The following RAB3GAP2 variants were observed in gnomAD, a reference collection of about 807,000 sequenced individuals.
The protein encoded by RAB3GAP2 is RAB3 GTPase activating non-catalytic protein subunit 2.
Under a neutral mutation model 185.3 loss-of-function variants are expected in RAB3GAP2, and 87 were observed. The observed-to-expected ratio is 0.47, with a 90% confidence interval of 0.39 to 0.56. The LOEUF (loss-of-function observed/expected upper bound fraction) is 0.56, where lower values mean the gene tolerates loss of function less well. Ranked by LOEUF, RAB3GAP2 falls within the 20% of genes least tolerant of loss-of-function variation. The pLI, the probability that RAB3GAP2 is intolerant of heterozygous loss-of-function variation, is 0.00. For missense variants in RAB3GAP2, 1,492 were observed against 1,638.2 expected (o/e 0.91, Z 1.54); for synonymous variants, 554 against 576.1 (o/e 0.96, Z 0.55).
intron 2 of RAB3GAP2, among the ~76,000 whole-genome samples, chr1:220,230,512 T>C (rs1474126614): frequency 6.6e-6 from 1 of 152,160 alleles, no homozygotes; most frequent in Non-Finnish European, 1.5e-5. Context: ...CTCCTAGAGG[T>C]CTTCTGAAAT....
intron 12 of RAB3GAP2, 132 bp from the exon 13 acceptor site, chr1:220,193,511 AAT>A: frequency 1.2e-6 from 1 of 866,972 alleles, no homozygotes; most frequent in South Asian, 1.7e-5. Flanking sequence ...TACCTGGATT[AAT>A]AGTTAATTTA....
chr1:220,197,443 C>T (rs1444362140), intron 9 of RAB3GAP2, among the ~76,000 whole-genome samples: 1 of 152,192 alleles, frequency 6.6e-6, no homozygotes, highest in Non-Finnish European at 1.5e-5. Flanking sequence ...GCAAGCCATT[C>T]ACTGGCTTTA....
chr1:220,168,940 T>C (rs892849205), intron 24 of RAB3GAP2, among the ~76,000 whole-genome samples: 2 of 152,192 alleles, frequency 1.3e-5, no homozygotes, highest in African/African-American at 4.8e-5. Context: ...TAAAAACCTT[T>C]CCACAAAAAG....
Position 220,212,866 on chromosome 1 carries a change from CA to C in RAB3GAP2, c.386+20del. 1 of 1,591,454 alleles carries C rather than the reference CA, an allele frequency of 6.3e-7. No individual in the cohort carries two copies. The highest frequency in any genetic ancestry group is 8.6e-7 in the Non-Finnish European group (1 of 1,159,598). On this transcript the variant is annotated intron_variant, in intron 4 of 34. Transcript: ENST00000358951. ...TACATACATGTAACACACAGAGAAACAAAAATTAACTGGCACCTACCCTTCT... is the reference window on the plus strand; with the variant it reads ...TACATACATGTAACACACAGAGAAACAAAATTAACTGGCACCTACCCTTCT...
chr1:220,264,351 T>C (rs1294044071), intron 1 of RAB3GAP2, among the ~76,000 whole-genome samples: 1 of 152,024 alleles, frequency 6.6e-6, no homozygotes, highest in Non-Finnish European at 1.5e-5. Flanking sequence ...GGAAAACTAA[T>C]AATAAAACGA....
chr1:220,254,952 C>CTT lies in RAB3GAP2; in HGVS notation c.115+17269_115+17270dup, dbSNP rs59174009. Among the ~76,000 whole-genome samples the CTT allele has an allele frequency of 6.1e-3, 806 of 131,502 alleles. 10 individuals are homozygous for CTT. The highest frequency in any genetic ancestry group is 0.02 in the African/African-American group (743 of 36,678). The allele number at this position is 131,502 out of a possible 152,430, so 86.3% of individuals were successfully genotyped here. On this transcript the variant is annotated intron_variant, in intron 1 of 34. Coordinates refer to ENST00000358951, the MANE Select transcript of RAB3GAP2 (RefSeq NM_012414.4). ...AACTGAACACACTCATCCATTTGTG[C>CTT]TTTTTTTTTTTTTTTTATGGTGCTT...
At chr1:220,272,199 G>A in intron 1 of RAB3GAP2, 24 bp downstream of exon 1, 3 of 1,567,428 alleles carry the variant, frequency 1.9e-6, no homozygotes, top group East Asian at 2.3e-5. Context: ...AGGGAAGGAA[G>A]GGCGAGGCCA....
intron 2 of RAB3GAP2, among the ~76,000 whole-genome samples, chr1:220,226,497 TC>T (rs892592252): frequency 2.0e-4 from 30 of 151,732 alleles, no homozygotes; most frequent in Non-Finnish European, 4.1e-4. Flanking sequence ...GCAGATGGCA[TC>T]TACCTTCTTT....
At chr1:220,232,665 A>G in intron 2 of RAB3GAP2, 134 bp downstream of exon 2, 1 of 786,878 alleles carries the variant, frequency 1.3e-6, no homozygotes, top group South Asian at 1.5e-5. Context: ...TATCTAGTTA[A>G]GTACTAATAA....
chr1:220,211,667 C>T (rs1334089052), intron 4 of RAB3GAP2, among the ~76,000 whole-genome samples: 1 of 152,150 alleles, frequency 6.6e-6, no homozygotes, highest in African/African-American at 2.4e-5. Flanking sequence ...CAAAACAACT[C>T]CTACCCACTG....
In RAB3GAP2 at chr1:220,214,946, T is replaced by TATATATATA. The variant is rs1659158999; in HGVS notation, c.181-968_181-967insTATATATAT. 4.6e-4 allele frequency among the ~76,000 whole-genome samples: 41 copies of TATATATATA among 89,626 alleles called. 1 individual carries two copies. The East Asian group carries it at 0.014, about 31-fold the overall frequency. The allele number at this position is 89,626 out of a possible 152,430, so 58.8% of individuals were successfully genotyped here. A position where few individuals can be genotyped will look rare whatever the true frequency, so the allele number is the denominator to read the frequency against. On this transcript the variant is annotated intron_variant, in intron 2 of 34. Transcript: ENST00000358951. ...CCTTTTTCTTACAAGAATAGTAGCA[T>TATATATATA]TATATATATATATATATATATATAT...
intron 22 of RAB3GAP2, 107 bp from the exon 23 acceptor site, chr1:220,172,156 T>C: frequency 9.1e-7 from 1 of 1,100,692 alleles, no homozygotes; most frequent in Non-Finnish European, 1.4e-6. Context: ...TACTGATGTG[T>C]TTTTGTATTT....
intron 12 of RAB3GAP2, among the ~76,000 whole-genome samples, chr1:220,193,656 G>T (rs1195600832): frequency 6.6e-6 from 1 of 152,060 alleles, no homozygotes; most frequent in East Asian, 1.9e-4. Context: ...TGATTAAAAG[G>T]CATGTCACAG....
chr1:220,212,928 T>C lies in RAB3GAP2; in HGVS notation c.345A>G (p.Gln115=), dbSNP rs759337992. The part of the protein sequence containing the change: ...KYSDKGKEEM[Q]FAVGWSGSLN... The stretch of plus-strand genomic sequence containing the variant: ...AGGAACCACTCCAGCCAACAGCAAA[T>C]TGCATTTCTTCCTTTCCTTTATCAC... Residue 115 remains glutamine (Q), a synonymous_variant, in exon 4 of 35, where the codon CAA becomes CAG. Coordinates refer to ENST00000358951, the MANE Select transcript of RAB3GAP2 (RefSeq NM_012414.4). The C allele has an allele frequency of 7.4e-6, 12 of 1,613,556 alleles. No homozygotes were observed. Among genetic ancestry groups the C allele is most frequent in the Non-Finnish European group, 1.0e-5 (12 of 1,179,618 alleles).
Position 220,151,280 on chromosome 1 carries a change from C to G in RAB3GAP2, c.4153G>C (p.Val1385Leu). Residue 1385 changes from valine to leucine, a missense_variant, in exon 35 of 35, where the codon GTG (valine) becomes CTG (leucine). Around this residue, in one of 5 missense-constraint regions of RAB3GAP2, gnomAD observed 387 missense variants for 455.3 expected, o/e 0.85. Coordinates refer to ENST00000358951, the MANE Select transcript of RAB3GAP2 (RefSeq NM_012414.4). ...YGLALHLIEA[V>L]EAISLPSL ...AAAGAAGGAAGAGATATGGCTTCCACAGCTTCAATGAGGTGTAAGGCTAGA... is the reference window on the plus strand; with the variant it reads ...AAAGAAGGAAGAGATATGGCTTCCAGAGCTTCAATGAGGTGTAAGGCTAGA... 1.9e-6 allele frequency: 3 copies of G among 1,614,002 alleles called. No individual in the cohort carries two copies. Among genetic ancestry groups the G allele is most frequent in the Non-Finnish European group, 2.5e-6 (3 of 1,179,962 alleles).
intron 9 of RAB3GAP2, among the ~76,000 whole-genome samples, chr1:220,201,202 C>T (rs916219496): frequency 6.6e-6 from 1 of 152,018 alleles, no homozygotes; most frequent in Admixed American, 6.6e-5. Context: ...CTATATTTTA[C>T]TAGTTTAAAG....
At chr1:220,175,556 C>T (rs1658273005) in intron 21 of RAB3GAP2, among the ~76,000 whole-genome samples, 1 of 152,222 alleles carries the variant, frequency 6.6e-6, no homozygotes, top group African/African-American at 2.4e-5. Flanking sequence ...GATTTAATGT[C>T]TCTTAAAGCT....
intron 2 of RAB3GAP2, among the ~76,000 whole-genome samples, chr1:220,232,230 T>C (rs1202116151): frequency 1.3e-5 from 2 of 152,222 alleles, no homozygotes; most frequent in Admixed American, 1.3e-4. Context: ...ATGGTTTGAA[T>C]GTGCCCCCAA....
Position 220,167,606 on chromosome 1 carries a change from G to A in RAB3GAP2, c.2876C>T (p.Ala959Val), listed in dbSNP as rs772442972. ...QDFSPEVLKL[A>V]NEERDAENPD... ...GTTTTCTGCATCTCTTTCTTCATTA[G>A]CCAGTTTTAATACTTCAGGGCTGAA... The change falls in exon 25 of 35, where the codon GCT becomes GTT. Residue 959 changes from alanine (A) to valine (V), a missense_variant. By Grantham distance (64) the Ala-to-Val change is moderately conservative. This residue lies in a region of RAB3GAP2 where 681 missense variants were observed against 689.1 expected (regional missense o/e 0.99). Coordinates refer to ENST00000358951, the MANE Select transcript of RAB3GAP2 (RefSeq NM_012414.4). 7 of 1,614,014 alleles carry A rather than the reference G, an allele frequency of 4.3e-6. No homozygotes were observed. Among genetic ancestry groups the A allele is most frequent in the Non-Finnish European group, 5.9e-6 (7 of 1,179,954 alleles).
Sources: gnomAD v4.1 joint callset for allele counts (sites outside exome capture counted in the v4.1 genomes callset) on GRCh38, gnomAD v4.1.1 for gene constraint, gnomAD v4.1.1 regional missense constraint, MANE v1.5 for transcripts, NCBI Gene and HGNC (gene_info 2026-07-23, HGNC 2026-07-21) for gene names.